NSUN4: variants seen among roughly 807,000 people sequenced by gnomAD.
NSUN4 encodes the protein 5-cytosine rRNA methyltransferase NSUN4.
A neutral mutation model predicts 43.8 loss-of-function variants in NSUN4; 31 were observed. The observed-to-expected ratio is 0.71, with a 90% confidence interval of 0.53 to 0.96. The LOEUF is 0.96. Ranked by LOEUF, NSUN4 falls within the 40% of genes least tolerant of loss-of-function variation. The pLI, the probability that NSUN4 is intolerant of heterozygous loss-of-function variation, is 0.00. For missense variants in NSUN4, 439 were observed against 475.6 expected, an observed-to-expected ratio of 0.92 and a Z score of 0.72; for synonymous variants, 167 against 184.1, an observed-to-expected ratio of 0.91 and a Z score of 0.75.
downstream of NSUN4, among the ~76,000 whole-genome samples, chr1:46,367,763 CTTTTTTTTTT>C (rs35109012): frequency 3.2e-5 from 4 of 124,632 alleles, no homozygotes; most frequent in Non-Finnish European, 6.6e-5. Context: ...TCTGAAATTT[CTTTTTTTTTT>C]TTTTTTTTTT....
In NSUN4 at chr1:46,360,784, G is replaced by C. The variant is rs755808722; in HGVS notation, c.834G>C (p.Lys278Asn). 1.9e-6 allele frequency: 3 copies of C among 1,614,080 alleles called. No homozygotes were observed. Among genetic ancestry groups the C allele is most frequent in the South Asian group, 2.2e-5 (2 of 91,088 alleles). The change falls in exon 5 of 6, where the codon AAG (lysine) becomes AAC (asparagine). Residue 278 changes from lysine (K) to asparagine (N), a missense_variant. Physicochemically the swap from Lys to Asn is moderately conservative, Grantham distance 94. Transcript: ENST00000474844. Reference protein sequence around the residue: ...EENNIFKRSRKKERQILPVLQ... With the variant: ...EENNIFKRSRNKERQILPVLQ... ...ACAACATCTTTAAGCGGTCAAGGAA[G>C]AAGGAGCGACAGATATTGCCTGTGC...
In NSUN4 at chr1:46,364,585, C is replaced by T. The variant is rs6683192; in HGVS notation, c.*2739C>T. The T allele has an allele frequency of 0.22, 34,117 of 152,114 alleles. 4,304 individuals carry two copies. The highest frequency in any genetic ancestry group is 0.29 in the Non-Finnish European group (19,779 of 68,000). The allele number at this position is 152,114 out of a possible 1,614,324, so 9.4% of individuals were successfully genotyped here. On this transcript the variant is annotated 3_prime_UTR_variant, in exon 6 of 6. Transcript: ENST00000474844. The stretch of plus-strand genomic sequence containing the variant: ...TACTCAGTAGGCTGGAGCGGGAGAA[C>T]TGCTTGAACCTGGGAGGTGGAGGTT...
chr1:46,368,677 G>GA (rs1664190598), downstream of NSUN4, among the ~76,000 whole-genome samples: 3 of 152,182 alleles, frequency 2.0e-5, no homozygotes, highest in African/African-American at 4.8e-5. Context: ...AAATGGTTAA[G>GA]TAAATTTAAA....
chr1:46,354,792 C>T (rs1482918901), intron 4 of NSUN4, among the ~76,000 whole-genome samples: 3 of 152,122 alleles, frequency 2.0e-5, no homozygotes, highest in Non-Finnish European at 4.4e-5. Context: ...GCCTCAGCCT[C>T]CCAGGCAGCT....
At chr1:46,371,364 G>C in the NSUN4 span, among the ~76,000 whole-genome samples, 1 of 150,000 alleles carries the variant, frequency 6.7e-6, no homozygotes, top group African/African-American at 2.5e-5. Flanking sequence ...GGAGTGCAGT[G>C]GTGCGATCTT....
chr1:46,341,031 A>G (rs10489769), intron 1 of NSUN4, 112 bp downstream of exon 1: 299,490 of 1,168,154 alleles, frequency 0.26, 42,190 homozygotes, highest in Non-Finnish European at 0.29. Context: ...ACTCCACGGA[A>G]CGTCCTTAGG....
chr1:46,364,681 G>A lies in NSUN4; in HGVS notation c.*2835G>A, dbSNP rs184120264. ...CAAGAGACTTCATTTCGATAAATAA[G>A]TAAATAAATAAATAAAGTCTGAAGC... is the stretch of plus-strand genomic sequence containing the variant. On this transcript the variant is annotated 3_prime_UTR_variant, in exon 6 of 6. Transcript: ENST00000474844. 1.1e-4 allele frequency: 16 copies of A among 152,250 alleles called. No homozygotes were observed. Among genetic ancestry groups the A allele is most frequent in the African/African-American group, 3.9e-4 (16 of 41,544 alleles). 9.4% of individuals were successfully genotyped at this position (152,250 alleles called of 1,614,324 possible).
chr1:46,366,727 A>AAAAAAAAAAAAG (rs1553178523), downstream of NSUN4, among the ~76,000 whole-genome samples: 291 of 127,790 alleles, frequency 2.3e-3, no homozygotes, highest in Non-Finnish European at 3.8e-3. Context: ...AAAAAAAAAA[A>AAAAAAAAAAAAG]AAGTGGGTAG....
chr1:46,341,202 C>A, intron 1 of NSUN4: 1 of 1,178,760 alleles, frequency 8.5e-7, no homozygotes, highest in African/African-American at 1.6e-5. Flanking sequence ...CTCTTGTTCC[C>A]CAGCTGTGTC....
chr1:46,370,242 G>A, the NSUN4 span, among the ~76,000 whole-genome samples: 2 of 152,230 alleles, frequency 1.3e-5, no homozygotes, highest in African/African-American at 4.8e-5. Context: ...GGAAGCAGAT[G>A]TGTTTTGAGT....
intron 4 of NSUN4, among the ~76,000 whole-genome samples, chr1:46,360,249 A>AAAAAAAAAAATATAT (rs1553177947): frequency 7.8e-5 from 2 of 25,738 alleles, no homozygotes; most frequent in Non-Finnish European, 7.2e-5. Flanking sequence ...AAAAAAAAAA[A>AAAAAAAAAAATATAT]ATATATATAT....
intron 4 of NSUN4, among the ~76,000 whole-genome samples, chr1:46,359,778 A>T (rs548384150): frequency 1.3e-5 from 2 of 152,100 alleles, no homozygotes; most frequent in South Asian, 4.2e-4. Context: ...CTAATTAAAA[A>T]ATTTTTTTTG....
At chr1:46,348,709 C>CAAAAAAAA (rs34999763) in intron 3 of NSUN4, among the ~76,000 whole-genome samples, 4 of 52,140 alleles carry the variant, frequency 7.7e-5, no homozygotes, top group Admixed American at 3.1e-4. Context: ...AACTCTGTCT[C>CAAAAAAAA]AAAAAAAAAA....
intron 4 of NSUN4, among the ~76,000 whole-genome samples, chr1:46,358,388 T>C: frequency 7.0e-6 from 1 of 142,370 alleles, no homozygotes; most frequent in Non-Finnish European, 1.5e-5. Flanking sequence ...GAGCTACTGC[T>C]CCTGGCCTAA....
chr1:46,361,630 A>G lies in NSUN4; in HGVS notation c.939A>G (p.Ser313=), dbSNP rs911558327. 8.1e-6 allele frequency: 13 copies of G among 1,613,980 alleles called. No homozygotes were observed. Among genetic ancestry groups the G allele is most frequent in the Non-Finnish European group, 9.3e-6 (11 of 1,180,024 alleles). The change falls in exon 6 of 6, where the codon TCA becomes TCG. Residue 313 remains serine (S), a synonymous_variant. Coordinates refer to ENST00000474844, the MANE Select transcript of NSUN4 (RefSeq NM_199044.4). ...TTGTCTATTCTACCTGCTCACTCTC[A>G]CACTTACAGAACGAGTATGTGGTGC... is the stretch of plus-strand genomic sequence containing the variant. The part of the protein sequence containing the change: ...GHVVYSTCSL[S]HLQNEYVVQG...
downstream of NSUN4, among the ~76,000 whole-genome samples, chr1:46,367,451 T>C (rs1208350228): frequency 6.6e-6 from 1 of 152,222 alleles, no homozygotes; most frequent in Non-Finnish European, 1.5e-5. Context: ...GAAAGAGTTA[T>C]TCGTTAATTT....
the NSUN4 span, among the ~76,000 whole-genome samples, chr1:46,379,009 A>C: frequency 2.0e-5 from 3 of 152,242 alleles, no homozygotes; most frequent in Non-Finnish European, 4.4e-5. Context: ...CAAGTCACAA[A>C]GATTTACATG....
chr1:46,385,072 A>T, the NSUN4 span, among the ~76,000 whole-genome samples: 1 of 152,216 alleles, frequency 6.6e-6, no homozygotes, highest in African/African-American at 2.4e-5. Flanking sequence ...AGACCAAAGA[A>T]AGCCAAATAC....
downstream of NSUN4, among the ~76,000 whole-genome samples, chr1:46,367,763 C>CTTT (rs35109012): frequency 4.0e-5 from 5 of 124,628 alleles, no homozygotes; most frequent in Admixed American, 8.6e-5. Flanking sequence ...TCTGAAATTT[C>CTTT]TTTTTTTTTT....
Sources: gnomAD v4.1 joint callset for allele counts (sites outside exome capture counted in the v4.1 genomes callset) on GRCh38, gnomAD v4.1.1 for gene constraint, MANE v1.5 for transcripts, NCBI Gene and HGNC (gene_info 2026-07-23, HGNC 2026-07-21) for gene names.